HERC1: variants seen among roughly 807,000 people sequenced by gnomAD.
The protein encoded by HERC1 is probable E3 ubiquitin-protein ligase HERC1.
Under a neutral mutation model 554.3 loss-of-function variants are expected in HERC1, and 160 were observed. That is an observed-to-expected ratio of 0.29 (90% CI 0.25 to 0.33). The LOEUF (loss-of-function observed/expected upper bound fraction) is 0.33. HERC1 is among the 10% of genes least tolerant of loss of function. The pLI is 1.00. For missense variants in HERC1, 4,919 were observed against 5,918.5 expected (o/e 0.83, Z 5.54); for synonymous variants, 2,175 against 2,131.7 (o/e 1.02, Z -0.56).
Position 63,641,535 on chromosome 15 carries a change from G to C in HERC1, c.11542C>G (p.Pro3848Ala), listed in dbSNP as rs2069064315. The part of the protein sequence containing the change: ...QQGVLGLNMA[P>A]CMRAFLERLP... ...CGCTCCAAAAATGCTCTCATGCAGG[G>C]AGCCATGTTCAATCCCAGAACACCC... Residue 3848 changes from proline to alanine, a missense_variant, in exon 60 of 78, where the codon CCC (proline) becomes GCC (alanine). Around this residue, in one of 11 missense-constraint regions of HERC1, gnomAD observed 1,963 missense variants for 2,228.6 expected, o/e 0.88. Coordinates refer to ENST00000443617, the MANE Select transcript of HERC1 (RefSeq NM_003922.4). The C allele has an allele frequency of 6.2e-7, 1 of 1,613,274 alleles. No homozygotes were observed. The highest frequency in any genetic ancestry group is 1.1e-5 in the South Asian group (1 of 90,918).
At chr15:63,613,803 GACA>G (rs1004013971) in intron 76 of HERC1, among the ~76,000 whole-genome samples, 20 of 152,102 alleles carry the variant, frequency 1.3e-4, no homozygotes, top group African/African-American at 4.8e-4. Flanking sequence ...CAGCCTGGGT[GACA>G]GAGCAAGACC....
At chr15:63,733,209 G>T (rs2074367936) in intron 13 of HERC1, 64 bp from the exon 14 acceptor site, 4 of 1,084,200 alleles carry the variant, frequency 3.7e-6, no homozygotes, top group East Asian at 2.4e-5. Context: ...AACACAAAAG[G>T]ATCCCAGAAA....
Position 63,669,671 on chromosome 15 carries a change from G to A in HERC1, c.8073C>T (p.Thr2691=). The A allele has an allele frequency of 6.2e-7, 1 of 1,613,830 alleles. No homozygotes were observed. Among genetic ancestry groups the A allele is most frequent in the Non-Finnish European group, 8.5e-7 (1 of 1,179,778 alleles). The change falls in exon 40 of 78, where the codon ACC becomes ACT. Residue 2691 remains threonine, a synonymous_variant. Transcript: ENST00000443617. Reference sequence around the variant, plus strand: ...GTGCCCGACGTGTGGGAAGTACAGTGGTAGTTGGGTAACTAGAGAACATTT... The same window carrying A: ...GTGCCCGACGTGTGGGAAGTACAGTAGTAGTTGGGTAACTAGAGAACATTT... ...LRQMFSSYPT[T]TVLPTRRAQT... is the part of the protein sequence containing the mutation.
At position 63,659,672 on chromosome 15, in the gene HERC1, C is replaced by A. The variant is rs935995115; in HGVS notation, c.9424+64G>T. 9 of 1,091,600 alleles carry A rather than the reference C, an allele frequency of 8.2e-6. No homozygotes were observed. The Admixed American group carries it at 1.7e-4, about 21-fold the overall frequency. The allele number at this position is 1,091,600 out of a possible 1,614,324, so 67.6% of individuals were successfully genotyped here. A position where few individuals can be genotyped will look rare whatever the true frequency, so the allele number is the denominator to read the frequency against. ...ACTTTTACTTTATTATTATTATTTACCTATCTAAGAAACAAATTATAGTAG... is the reference window on the plus strand; with the variant it reads ...ACTTTTACTTTATTATTATTATTTAACTATCTAAGAAACAAATTATAGTAG... On this transcript the variant is annotated intron_variant, in intron 47 of 77. Coordinates refer to ENST00000443617, the MANE Select transcript of HERC1 (RefSeq NM_003922.4).
chr15:63,742,927 C>G (rs1408419081), intron 12 of HERC1, among the ~76,000 whole-genome samples: 1 of 152,118 alleles, frequency 6.6e-6, no homozygotes, highest in Non-Finnish European at 1.5e-5. Context: ...ACTTTAATAG[C>G]TGGTCTATAG....
At chr15:63,641,319 T>C in intron 60 of HERC1, 151 bp downstream of exon 60, 1 of 564,070 alleles carries the variant, frequency 1.8e-6, no homozygotes, top group South Asian at 4.1e-5. Flanking sequence ...AACAACTCTT[T>C]TAGGCATGAC....
intron 1 of HERC1, among the ~76,000 whole-genome samples, chr15:63,827,895 C>T (rs369391229): frequency 2.5e-4 from 38 of 152,276 alleles, no homozygotes; most frequent in African/African-American, 8.4e-4. Flanking sequence ...CAAAACGCCA[C>T]ATATTATATG....
At chr15:63,831,854 A>T (rs994678452) in intron 1 of HERC1, among the ~76,000 whole-genome samples, 1 of 152,218 alleles carries the variant, frequency 6.6e-6, no homozygotes, top group Non-Finnish European at 1.5e-5. Flanking sequence ...TGACGCATTT[A>T]CATTTGCTTT....
At chr15:63,668,220 A>G (rs1228971613) in intron 40 of HERC1, among the ~76,000 whole-genome samples, 1 of 152,204 alleles carries the variant, frequency 6.6e-6, no homozygotes, top group Admixed American at 6.6e-5. Context: ...AGGCATACAC[A>G]CCCCAATTAA....
Position 63,638,765 on chromosome 15 carries a change from T to C in HERC1, c.11913A>G (p.Lys3971=). ...DELVFLMDNS[K]WINGMDEQIM... is the part of the protein sequence containing the mutation. ...TTTGTTCATCCATGCCGTTAATCCA[T>C]TTACTGTTATCCTGAAAAACAGGGG... The change falls in exon 62 of 78, where the codon AAA becomes AAG. Residue 3971 remains lysine (K), a synonymous_variant. Transcript: ENST00000443617. 2 of 1,613,414 alleles carry C rather than the reference T, an allele frequency of 1.2e-6. No homozygotes were observed. The highest frequency in any genetic ancestry group is 1.3e-5 in the African/African-American group (1 of 75,042).
chr15:63,831,740 T>A (rs1298791098), intron 1 of HERC1, among the ~76,000 whole-genome samples: 2 of 152,204 alleles, frequency 1.3e-5, no homozygotes, highest in Non-Finnish European at 2.9e-5. Flanking sequence ...TATTTATTAT[T>A]TGCACCCTCT....
chr15:63,729,398 A>G, intron 15 of HERC1, 30 bp from the exon 16 acceptor site: 1 of 1,593,258 alleles, frequency 6.3e-7, no homozygotes, highest in East Asian at 2.2e-5. Context: ...CTAAATTACT[A>G]CTTTGAAAGA....
Position 63,630,663 on chromosome 15 carries a change from G to A in HERC1, c.12797-28C>T, listed in dbSNP as rs1379539209. On this transcript the variant is annotated intron_variant, in intron 68 of 77. Transcript: ENST00000443617. ...GAAAAAAACAAAACAAAAACATGTG[G>A]AAATGTTATGCACCACACAACACAG... 6 of 1,599,832 alleles carry A rather than the reference G, an allele frequency of 3.8e-6. No individual in the cohort carries two copies. In the Admixed American group the frequency reaches 5.1e-5, roughly 14 times the overall value.
rs1283097124 is a variant in HERC1 at position 63,764,102 on chromosome 15, A to T, written c.1020T>A (p.Phe340Leu). The change falls in exon 3 of 78, where the codon TTT (phenylalanine) becomes TTA (leucine). Residue 340 changes from phenylalanine (F) to leucine (L), a missense_variant. By Grantham distance (22) the Phe-to-Leu change is conservative. This residue lies in a region of HERC1 where 744 missense variants were observed against 1,090.0 expected (regional missense o/e 0.68). Coordinates refer to ENST00000443617, the MANE Select transcript of HERC1 (RefSeq NM_003922.4). ...CSLYEAALCL[F>L]EEVCRMASDY... ...AGCCACGATTATTACGTACCTCTTC[A>T]AAGAGACATAATGCTGCCTCGTAAA... 1.2e-6 allele frequency: 2 copies of T among 1,605,006 alleles called. No individual in the cohort carries two copies. The highest frequency in any genetic ancestry group is 1.7e-6 in the Non-Finnish European group (2 of 1,174,904).
At position 63,608,904 on chromosome 15, in the gene HERC1, G is replaced by C; in HGVS notation, c.*177C>G. The C allele has an allele frequency of 1.9e-6, 1 of 516,654 alleles. No individual in the cohort carries two copies. The highest frequency in any genetic ancestry group is 3.1e-6 in the Non-Finnish European group (1 of 323,570). 32.0% of individuals were successfully genotyped at this position (516,654 alleles called of 1,614,324 possible). On this transcript the variant is annotated 3_prime_UTR_variant, in exon 78 of 78. Coordinates refer to ENST00000443617, the MANE Select transcript of HERC1 (RefSeq NM_003922.4). ...TTTTTGTTGTTTTTGTACAATCACAGAAAAATAAAAACATCTAATTTCTTT... is the reference window on the plus strand; with the variant it reads ...TTTTTGTTGTTTTTGTACAATCACACAAAAATAAAAACATCTAATTTCTTT...
Position 63,790,883 on chromosome 15 carries a change from T to C in HERC1, c.-26-15234A>G, listed in dbSNP as rs572134061. ...ATGACCATATTGTTTTCAATTGTAATATAATCAAAAGTTATAATCCCTATC... is the reference window on the plus strand; with the variant it reads ...ATGACCATATTGTTTTCAATTGTAACATAATCAAAAGTTATAATCCCTATC... On this transcript the variant is annotated intron_variant, in intron 1 of 77. Coordinates refer to ENST00000443617, the MANE Select transcript of HERC1 (RefSeq NM_003922.4). 5.3e-5 allele frequency among the ~76,000 whole-genome samples: 8 copies of C among 152,172 alleles called. No homozygotes were observed. In the South Asian group the frequency reaches 1.7e-3, roughly 32 times the overall value.
rs773905620 is a variant in HERC1 at position 63,714,545 on chromosome 15, G to GTTT, written c.4151-883_4151-881dup. Among the ~76,000 whole-genome samples, 876 of 95,794 alleles carry GTTT rather than the reference G, an allele frequency of 9.1e-3. 12 individuals are homozygous for GTTT. The highest frequency in any genetic ancestry group is 0.019 in the African/African-American group (478 of 25,506). The allele number at this position is 95,794 out of a possible 152,430, so 62.8% of individuals were successfully genotyped here. On this transcript the variant is annotated intron_variant, in intron 22 of 77. Transcript: ENST00000443617. ...GTATTCTTCTTTTTTTCCTTTTTCT[G>GTTT]TTTTTTTTTTTTTTTTTTTTTGGAG...
intron 33 of HERC1, among the ~76,000 whole-genome samples, chr15:63,688,432 A>ATT (rs201872646): frequency 0.013 from 2,014 of 152,304 alleles, 22 homozygotes; most frequent in East Asian, 0.022. Context: ...AGAAGATGGG[A>ATT]ATATAAGTCT....
At chr15:63,725,168 TC>T (rs1179470097) in intron 18 of HERC1, 123 bp downstream of exon 18, 4 of 794,242 alleles carry the variant, frequency 5.0e-6, no homozygotes, top group Non-Finnish European at 8.0e-6. Context: ...AGCCCCAGAT[TC>T]CCTACACTGC....
Sources: gnomAD v4.1 joint callset for allele counts (sites outside exome capture counted in the v4.1 genomes callset) on GRCh38, gnomAD v4.1.1 for gene constraint, gnomAD v4.1.1 regional missense constraint, MANE v1.5 for transcripts, NCBI Gene and HGNC (gene_info 2026-07-23, HGNC 2026-07-21) for gene names.